Variants in ITIH2 observed in about 807,000 individuals in gnomAD.
The protein encoded by ITIH2 is inter-alpha-trypsin inhibitor heavy chain 2.
In ITIH2, 103 loss-of-function variants were observed where a neutral mutation model predicts 104.4. The observed-to-expected ratio is 0.99, with a 90% CI of 0.84 to 1.16. ITIH2 has a LOEUF of 1.16. Among genes scored for constraint, ITIH2 ranks in the 50% most tolerant of loss-of-function variants. The pLI is 0.00. For missense variants in ITIH2, 1,108 were observed against 1,162.4 expected, an observed-to-expected ratio of 0.95 and a Z score of 0.68; for synonymous variants, 436 against 435.4, an observed-to-expected ratio of 1.00 and a Z score of -0.02.
chr10:7,749,182 T>A lies in ITIH2; in HGVS notation c.2694-5T>A. 6.2e-7 allele frequency: 1 copy of A among 1,613,976 alleles called. No homozygotes were observed. Among genetic ancestry groups the A allele is most frequent in the South Asian group, 1.1e-5 (1 of 91,068 alleles). On this transcript the variant is annotated splice_polypyrimidine_tract_variant and splice_region_variant and intron_variant, in intron 20 of 20. Coordinates refer to ENST00000358415, the MANE Select transcript of ITIH2 (RefSeq NM_002216.3). ...CCCCTAACCACATGCCTTGCTTCCT[T>A]GCAGGGGCTTACAGAAAGACTACAG...
At position 7,743,271 on chromosome 10, in the gene ITIH2, ATAAAT is replaced by A; in HGVS notation, c.2209+15_2209+19del. 7.3e-7 allele frequency: 1 copy of A among 1,361,100 alleles called. No homozygotes were observed. The highest frequency in any genetic ancestry group is 1.3e-5 in the South Asian group (1 of 78,940). The allele number at this position is 1,361,100 out of a possible 1,614,324, so 84.3% of individuals were successfully genotyped here. A position where few individuals can be genotyped will look rare whatever the true frequency, so the allele number is the denominator to read the frequency against. Reference sequence around the variant, plus strand: ...TGACCCAGAATCAGGTAAAATAAAAATAAATTATATTTGCACCAATTAGGTCATTG... The same window carrying A: ...TGACCCAGAATCAGGTAAAATAAAAATATATTTGCACCAATTAGGTCATTG... On this transcript the variant is annotated intron_variant, in intron 17 of 20. Transcript: ENST00000358415.
chr10:7,746,077 A>T (rs1835175157), intron 19 of ITIH2, among the ~76,000 whole-genome samples: 1 of 137,550 alleles, frequency 7.3e-6, no homozygotes, highest in African/African-American at 2.7e-5. Context: ...TTAAAAAAAA[A>T]AAAAAAAAAA....
At chr10:7,727,266 G>C (rs1050307860) in intron 10 of ITIH2, 148 bp downstream of exon 10, 2 of 674,146 alleles carry the variant, frequency 3.0e-6, no homozygotes, top group Admixed American at 6.3e-5. Flanking sequence ...ATGGATGAAT[G>C]CTAAGTTTGT....
rs1451330657 is a variant in ITIH2, at chr10:7,713,242, T to C, written c.424T>C (p.Tyr142His). Residue 142 changes from tyrosine to histidine, a missense_variant, in exon 5 of 21, where the codon TAT becomes CAT. Physicochemically the swap from Tyr to His is moderately conservative, Grantham distance 83 (BLOSUM62 2). Transcript: ENST00000358415. The part of the protein sequence containing the change: ...IKEKTVGRAL[Y>H]AQARAKGKTA... The stretch of plus-strand genomic sequence containing the variant: ...GGAGAAAACTGTGGGCCGAGCTCTT[T>C]ATGCACAGGCCAGAGCAAAAGGCAA... 1 of 1,614,096 alleles carries C rather than the reference T, an allele frequency of 6.2e-7. No individual in the cohort carries two copies. Among genetic ancestry groups the C allele is most frequent in the African/African-American group, 1.3e-5 (1 of 74,940 alleles).
rs1385704185 is a variant in ITIH2, at chr10:7,727,096, T to C, written c.1131T>C (p.Ile377=). 3 of 1,613,922 alleles carry C rather than the reference T, an allele frequency of 1.9e-6. No homozygotes were observed. In the African/African-American group the frequency reaches 4.0e-5, roughly 22 times the overall value. Residue 377 remains isoleucine (I), a synonymous_variant, in exon 10 of 21, where the codon ATT becomes ATC. Transcript: ENST00000358415. The stretch of plus-strand genomic sequence containing the variant: ...AGGTTGCAGATGCCAAGAGGTATAT[T>C]GAGAAAATCCAGCCCAGTGGAGGTG... ...KTQVADAKRY[I]EKIQPSGGTN...
intron 20 of ITIH2, among the ~76,000 whole-genome samples, chr10:7,748,495 C>T (rs1361366670): frequency 1.6e-5 from 2 of 123,212 alleles, no homozygotes; most frequent in South Asian, 2.7e-4. Context: ...AGAGAAAGTG[C>T]AGTTAAGAGG....
chr10:7,741,794 ATTC>A (rs1183718217), intron 16 of ITIH2, among the ~76,000 whole-genome samples: 4 of 152,150 alleles, frequency 2.6e-5, no homozygotes, highest in Non-Finnish European at 5.9e-5. Flanking sequence ...TTTTCTCTGC[ATTC>A]TTCAAGAACC....
intron 20 of ITIH2, among the ~76,000 whole-genome samples, chr10:7,748,354 C>T (rs1835200209): frequency 6.7e-6 from 1 of 148,960 alleles, no homozygotes; most frequent in Non-Finnish European, 1.5e-5. Flanking sequence ...GTCCCGTGGG[C>T]TGGGCACAGT....
intron 15 of ITIH2, among the ~76,000 whole-genome samples, chr10:7,735,893 G>A (rs1413347608): frequency 2.6e-5 from 4 of 151,860 alleles, no homozygotes; most frequent in Non-Finnish European, 5.9e-5. Context: ...GGCTGGTCTC[G>A]AACTCCTGAC....
At position 7,731,989 on chromosome 10, in the gene ITIH2, C is replaced by T. The variant is rs377268702; in HGVS notation, c.1640C>T (p.Ala547Val). Residue 547 changes from alanine (A) to valine (V), a missense_variant, in exon 13 of 21, where the codon GCG (alanine) becomes GTG (valine). Ala to Val is a moderately conservative substitution (Grantham distance 64). Transcript: ENST00000358415. ...GATCAAATAGAGAGCGTTATCACGG[C>T]GACTTCGGTACTTCCACTTATCCAT... Reference protein sequence around the residue: ...KLDQIESVITATSANTQLVLE... With the variant: ...KLDQIESVITVTSANTQLVLE... 1.1e-5 allele frequency: 18 copies of T among 1,611,562 alleles called. 1 individual carries two copies. Among genetic ancestry groups the T allele is most frequent in the South Asian group, 2.2e-5 (2 of 90,908 alleles).
At chr10:7,716,437 G>T (rs1283969669) in intron 5 of ITIH2, among the ~76,000 whole-genome samples, 1 of 152,084 alleles carries the variant, frequency 6.6e-6, no homozygotes, top group Non-Finnish European at 1.5e-5. Context: ...AAGGCCTTAT[G>T]ATAGAAAAAC....
chr10:7,745,742 T>A (rs991997227), intron 19 of ITIH2, among the ~76,000 whole-genome samples: 6 of 150,878 alleles, frequency 4.0e-5, no homozygotes, highest in Non-Finnish European at 8.9e-5. Context: ...GGAGACTCCA[T>A]CTCTTAAATT....
chr10:7,708,138 T>C (rs562306617), intron 3 of ITIH2, among the ~76,000 whole-genome samples: 2 of 152,326 alleles, frequency 1.3e-5, no homozygotes, highest in South Asian at 2.1e-4. Flanking sequence ...GGTTAATTAG[T>C]CGAAAGGTTT....
intron 16 of ITIH2, among the ~76,000 whole-genome samples, chr10:7,742,570 C>T (rs927210003): frequency 6.6e-6 from 1 of 152,032 alleles, no homozygotes; most frequent in South Asian, 2.1e-4. Flanking sequence ...GTGAGACCCC[C>T]CATCTCTACA....
At chr10:7,705,962 G>A (rs2131150930) in intron 2 of ITIH2, among the ~76,000 whole-genome samples, 1 of 152,202 alleles carries the variant, frequency 6.6e-6, no homozygotes, top group South Asian at 2.1e-4. Context: ...CTCTAATTAA[G>A]GGGGTGAGTT....
chr10:7,746,571 A>G (rs754448516), intron 19 of ITIH2, 22 bp from the exon 20 acceptor site: 4 of 1,457,996 alleles, frequency 2.7e-6, no homozygotes, highest in African/African-American at 2.8e-5. Flanking sequence ...ATGTCAATCA[A>G]TGTCTGATTC....
In ITIH2 at chr10:7,727,736, T is replaced by A. The variant is rs1270142244; in HGVS notation, c.1187T>A (p.Ile396Asn). 14 of 1,613,968 alleles carry A rather than the reference T, an allele frequency of 8.7e-6. No individual in the cohort carries two copies. Among genetic ancestry groups the A allele is most frequent in the Non-Finnish European group, 1.0e-5 (12 of 1,179,936 alleles). Residue 396 changes from isoleucine (I) to asparagine (N), a missense_variant, in exon 11 of 21, where the codon ATC becomes AAC. Transcript: ENST00000358415. ...ATCAACGAAGCACTCCTACGGGCAA[T>A]CTTCATTTTGAATGAAGCCAATAAC... ...TNINEALLRA[I>N]FILNEANNLG...
chr10:7,724,095 C>CA (rs1834930798), intron 9 of ITIH2, among the ~76,000 whole-genome samples: 2 of 152,154 alleles, frequency 1.3e-5, no homozygotes, highest in African/African-American at 4.8e-5. Flanking sequence ...TATAGGCTTA[C>CA]TTAGTGATAA....
rs538088951 is a variant in ITIH2, at chr10:7,727,289, A to G, written c.1153+171A>G. Among the ~76,000 whole-genome samples the G allele has an allele frequency of 7.2e-5, 11 of 152,350 alleles. No homozygotes were observed. In the South Asian group the frequency reaches 1.9e-3, roughly 26 times the overall value. On this transcript the variant is annotated intron_variant, in intron 10 of 20. Coordinates refer to ENST00000358415, the MANE Select transcript of ITIH2 (RefSeq NM_002216.3). ...ATGCTAAGTTTGTAGTGAAAGTAGA[A>G]TTTGTAATACAGCCCACATAAGCTT...
Sources: allele counts gnomAD v4.1 joint callset (sites outside exome capture counted in the v4.1 genomes callset), GRCh38; gene constraint gnomAD v4.1.1; transcripts MANE v1.5; gene names NCBI Gene and HGNC (gene_info 2026-07-23, HGNC 2026-07-21).